The following UBAC2 variants were observed in gnomAD, a reference collection of about 807,000 sequenced individuals.
UBAC2 encodes UBA domain containing 2, also known as ubiquitin-associated domain-containing protein 2.
In UBAC2, 26 loss-of-function variants were observed where a neutral mutation model predicts 44.0. The observed-to-expected ratio is 0.59, with a 90% confidence interval of 0.43 to 0.82. The LOEUF (loss-of-function observed/expected upper bound fraction) is 0.82. Ranked by LOEUF, UBAC2 falls within the 40% of genes least tolerant of loss-of-function variation. The pLI, the probability that UBAC2 is intolerant of heterozygous loss-of-function variation, is 0.00. For missense variants in UBAC2, 329 were observed against 419.4 expected (o/e 0.78, Z 1.88); for synonymous variants, 155 against 154.3 (o/e 1.00, Z -0.04).
At chr13:99,211,945 C>G (rs2042941469) in intron 1 of UBAC2, among the ~76,000 whole-genome samples, 1 of 152,204 alleles carries the variant, frequency 6.6e-6, no homozygotes, top group African/African-American at 2.4e-5. Context: ...CTCCTGGCTG[C>G]CAGTGCACAA....
intron 8 of UBAC2, among the ~76,000 whole-genome samples, chr13:99,383,093 G>C (rs1171966944): frequency 6.6e-6 from 1 of 152,208 alleles, no homozygotes; most frequent in African/African-American, 2.4e-5. Flanking sequence ...CAGCCACCTG[G>C]CAGTGAGGCC....
intron 4 of UBAC2, among the ~76,000 whole-genome samples, chr13:99,293,913 T>C (rs1207181791): frequency 1.3e-5 from 2 of 152,194 alleles, no homozygotes; most frequent in Non-Finnish European, 2.9e-5. Flanking sequence ...TTTCTTTATC[T>C]ACCATTATAA....
chr13:99,322,394 G>A (rs1256165958), intron 6 of UBAC2, among the ~76,000 whole-genome samples: 3 of 152,186 alleles, frequency 2.0e-5, no homozygotes, highest in African/African-American at 7.2e-5. Flanking sequence ...CATTACCACA[G>A]GGATGCACCC....
chr13:99,255,536 C>G, intron 4 of UBAC2: 1 of 1,614,122 alleles, frequency 6.2e-7, no homozygotes, highest in Non-Finnish European at 8.5e-7. Flanking sequence ...CTAATAAAGG[C>G]AAGAAGCCAT....
intron 7 of UBAC2, among the ~76,000 whole-genome samples, chr13:99,348,216 G>A (rs1041640119): frequency 6.6e-6 from 1 of 152,200 alleles, no homozygotes; most frequent in Admixed American, 6.5e-5. Context: ...CTAATGCAGT[G>A]TACTGCCCTG....
At chr13:99,354,358 G>A (rs1247979973) in intron 7 of UBAC2, among the ~76,000 whole-genome samples, 1 of 152,240 alleles carries the variant, frequency 6.6e-6, no homozygotes, top group African/African-American at 2.4e-5. Flanking sequence ...CCTTCCAGAT[G>A]TTCTTTAATA....
rs71959491 is a variant in UBAC2, at chr13:99,335,998, G to GAAA, written c.562-4310_562-4308dup. Among the ~76,000 whole-genome samples the GAAA allele has an allele frequency of 3.8e-5, 5 of 132,284 alleles. No individual in the cohort carries two copies. In the East Asian group the frequency reaches 6.5e-4, roughly 17 times the overall value. 86.8% of individuals were successfully genotyped at this position (132,284 alleles called of 152,430 possible). ...GCAACACCTCATTCTCCACAAAATG[G>GAAA]AAAAAAAAAAAAAAGAGATAAAACT... On this transcript the variant is annotated intron_variant, in intron 6 of 8. Coordinates refer to ENST00000403766, the MANE Select transcript of UBAC2 (RefSeq NM_001144072.2).
At chr13:99,384,138 C>A (rs1465054867) in intron 8 of UBAC2, among the ~76,000 whole-genome samples, 2 of 152,158 alleles carry the variant, frequency 1.3e-5, no homozygotes, top group Non-Finnish European at 2.9e-5. Flanking sequence ...GATACTGGGC[C>A]CCTTCTCTTT....
intron 4 of UBAC2, among the ~76,000 whole-genome samples, chr13:99,247,503 C>T (rs578178230): frequency 1.2e-4 from 18 of 152,070 alleles, no homozygotes; most frequent in African/African-American, 4.1e-4. Context: ...CGTGAGCCAC[C>T]GCGCCCGGCC....
intron 1 of UBAC2, among the ~76,000 whole-genome samples, chr13:99,224,229 T>C (rs2043085576): frequency 6.6e-6 from 1 of 152,200 alleles, no homozygotes; most frequent in Non-Finnish European, 1.5e-5. Context: ...CTTTCCTTTG[T>C]GTGTGCAAGC....
chr13:99,214,197 A>G lies in UBAC2; in HGVS notation c.31+13258A>G, dbSNP rs542796150. ...CCTGCTGTTTCTTCAATCTTGTATC[A>G]TTTTTTGCCTTGGCATCTTTGGTTT... On this transcript the variant is annotated intron_variant, in intron 1 of 8. Coordinates refer to ENST00000403766, the MANE Select transcript of UBAC2 (RefSeq NM_001144072.2). Among the ~76,000 whole-genome samples, 11 of 139,180 alleles carry G rather than the reference A, an allele frequency of 7.9e-5. No homozygotes were observed. In the South Asian group the frequency reaches 2.1e-3, roughly 26 times the overall value. The allele number at this position is 139,180 out of a possible 152,430, so 91.3% of individuals were successfully genotyped here.
intron 4 of UBAC2, among the ~76,000 whole-genome samples, chr13:99,286,913 G>T (rs2044025479): frequency 6.6e-6 from 1 of 152,150 alleles, no homozygotes; most frequent in Non-Finnish European, 1.5e-5. Flanking sequence ...TGGTAACTGT[G>T]TCTCAGTTCT....
At chr13:99,365,987 G>T (rs1479773920) in intron 7 of UBAC2, among the ~76,000 whole-genome samples, 1 of 151,950 alleles carries the variant, frequency 6.6e-6, no homozygotes, top group Admixed American at 6.6e-5. Context: ...TGCCTTCGAG[G>T]TCTATTTATT....
intron 4 of UBAC2, among the ~76,000 whole-genome samples, chr13:99,260,706 C>A (rs999402042): frequency 6.6e-6 from 1 of 152,050 alleles, no homozygotes; most frequent in African/African-American, 2.4e-5. Context: ...AATACTTGAA[C>A]CTAATGAATT....
At chr13:99,272,123 TG>T (rs1409998476) in intron 4 of UBAC2, among the ~76,000 whole-genome samples, 1 of 152,214 alleles carries the variant, frequency 6.6e-6, no homozygotes, top group Non-Finnish European at 1.5e-5. Flanking sequence ...TCTCTTTCCT[TG>T]AGCTGCTTAA....
chr13:99,305,650 G>A (rs1229249662), intron 4 of UBAC2, among the ~76,000 whole-genome samples: 2 of 152,128 alleles, frequency 1.3e-5, no homozygotes, highest in African/African-American at 4.8e-5. Context: ...ACTGGTCATG[G>A]TACTAATTAG....
At position 99,385,737 on chromosome 13, in the gene UBAC2, G is replaced by C; in HGVS notation, c.*402G>C. ...GGAGAGGGTAATGTTACTTCACAAA[G>C]GACATGTCAGATCCTTCTTCATGGA... On this transcript the variant is annotated 3_prime_UTR_variant, in exon 9 of 9. Coordinates refer to ENST00000403766, the MANE Select transcript of UBAC2 (RefSeq NM_001144072.2). 1 of 179,092 alleles carries C rather than the reference G, an allele frequency of 5.6e-6. No homozygotes were observed. The highest frequency in any genetic ancestry group is 1.2e-5 in the Non-Finnish European group (1 of 83,002). The allele number at this position is 179,092 out of a possible 1,614,324, so 11.1% of individuals were successfully genotyped here. A position where few individuals can be genotyped will look rare whatever the true frequency, so the allele number is the denominator to read the frequency against.
intron 7 of UBAC2, among the ~76,000 whole-genome samples, chr13:99,358,361 A>G (rs1301962739): frequency 6.6e-6 from 1 of 152,208 alleles, no homozygotes; most frequent in East Asian, 1.9e-4. Context: ...ATGTACTTCA[A>G]AAACCAGAGT....
At chr13:99,201,020 A>C in intron 1 of UBAC2, 81 bp downstream of exon 1, 1 of 1,294,328 alleles carries the variant, frequency 7.7e-7, no homozygotes, top group African/African-American at 1.5e-5. Flanking sequence ...GGCAGCGGGG[A>C]CCCTCGGGTT....
Sources: gnomAD v4.1 joint callset for allele counts (sites outside exome capture counted in the v4.1 genomes callset) on GRCh38, gnomAD v4.1.1 for gene constraint, MANE v1.5 for transcripts, NCBI Gene and HGNC (gene_info 2026-07-23, HGNC 2026-07-21) for gene names.